SLC39A11: variants seen among roughly 807,000 people sequenced by gnomAD.
SLC39A11 encodes the protein solute carrier family 39 member 11, also known as zinc transporter ZIP11.
In SLC39A11, 33 loss-of-function variants were observed where a neutral mutation model predicts 36.1. That is an observed-to-expected ratio of 0.91 (90% confidence interval 0.69 to 1.22). The LOEUF (loss-of-function observed/expected upper bound fraction) is 1.22, where lower values mean the gene tolerates loss of function less well. Among genes scored for constraint, SLC39A11 ranks in the 50% most tolerant of loss-of-function variants. The probability of loss-of-function intolerance (pLI) is 0.00; values close to 1 mark genes in which losing one functional copy is unlikely to be tolerated. For synonymous variants in SLC39A11, 166 were observed against 170.3 expected (o/e 0.97, Z 0.20); for missense variants, 432 against 430.3 (o/e 1.00, Z -0.03).
chr17:72,928,686 T>A (rs1304952999), intron 5 of SLC39A11, among the ~76,000 whole-genome samples: 1 of 152,132 alleles, frequency 6.6e-6, no homozygotes, highest in Non-Finnish European at 1.5e-5. Flanking sequence ...GTCAATAGAC[T>A]CTCACAGCCT....
chr17:72,775,746 G>C (rs1384974384), intron 6 of SLC39A11, among the ~76,000 whole-genome samples: 1 of 152,138 alleles, frequency 6.6e-6, no homozygotes, highest in Non-Finnish European at 1.5e-5. Flanking sequence ...TGCTCTACCT[G>C]GAAGGACCAA....
At chr17:72,726,813 C>T (rs1490705081) in intron 7 of SLC39A11, among the ~76,000 whole-genome samples, 1 of 152,138 alleles carries the variant, frequency 6.6e-6, no homozygotes, top group African/African-American at 2.4e-5. Context: ...GAGAGGCAAA[C>T]ATATATCTTA....
At chr17:72,908,107 C>T (rs777932531) in intron 5 of SLC39A11, among the ~76,000 whole-genome samples, 2 of 152,216 alleles carry the variant, frequency 1.3e-5, no homozygotes, top group Non-Finnish European at 2.9e-5. Flanking sequence ...ACAAGTGAGA[C>T]ATCAGGCTAT....
intron 6 of SLC39A11, among the ~76,000 whole-genome samples, chr17:72,790,224 C>A (rs927914782): frequency 1.3e-5 from 2 of 152,092 alleles, no homozygotes; most frequent in African/African-American, 2.4e-5. Context: ...TGGTACACAC[C>A]CCCAGCCAGG....
intron 5 of SLC39A11, among the ~76,000 whole-genome samples, chr17:72,875,383 G>A (rs1477702041): frequency 1.3e-5 from 2 of 152,114 alleles, no homozygotes; most frequent in East Asian, 3.9e-4. Context: ...TAATGGCCAG[G>A]GTGACAGCCA....
intron 2 of SLC39A11, among the ~76,000 whole-genome samples, chr17:73,085,352 CA>C (rs34697484): frequency 0.48 from 72,394 of 150,528 alleles, 17,728 homozygotes; most frequent in East Asian, 0.67. Flanking sequence ...ACTAAAAATA[CA>C]AAAAAAAATA....
intron 6 of SLC39A11, among the ~76,000 whole-genome samples, chr17:72,738,649 G>A (rs1300320042): frequency 6.6e-6 from 1 of 152,178 alleles, no homozygotes; most frequent in Non-Finnish European, 1.5e-5. Context: ...TGAAGAGGGC[G>A]ATGATTCCCC....
chr17:73,014,583 G>A (rs2090706956), intron 4 of SLC39A11, among the ~76,000 whole-genome samples: 2 of 149,228 alleles, frequency 1.3e-5, no homozygotes, highest in Admixed American at 6.6e-5. Flanking sequence ...CGTGAGCCTG[G>A]AAGTTCAAGG....
intron 4 of SLC39A11, among the ~76,000 whole-genome samples, chr17:73,002,254 G>A (rs1019959271): frequency 6.6e-6 from 1 of 152,126 alleles, no homozygotes; most frequent in African/African-American, 2.4e-5. Flanking sequence ...AAGGGAACAT[G>A]GCAGCTCATT....
chr17:72,954,679 C>T (rs2086120310), intron 4 of SLC39A11, among the ~76,000 whole-genome samples: 1 of 152,200 alleles, frequency 6.6e-6, no homozygotes, highest in South Asian at 2.1e-4. Context: ...AATTATTCCA[C>T]ATAATGGAAA....
intron 6 of SLC39A11, among the ~76,000 whole-genome samples, chr17:72,747,557 A>T (rs1274014894): frequency 6.6e-6 from 1 of 152,158 alleles, no homozygotes; most frequent in South Asian, 2.1e-4. Flanking sequence ...GTCACGTAAC[A>T]CTGCAGCAGG....
At chr17:72,754,583 G>T (rs2075298988) in intron 6 of SLC39A11, among the ~76,000 whole-genome samples, 1 of 151,514 alleles carries the variant, frequency 6.6e-6, no homozygotes, top group Non-Finnish European at 1.5e-5. Flanking sequence ...TGGGTATTTA[G>T]ATTCCACCAT....
chr17:72,991,988 C>A (rs1266955315), intron 4 of SLC39A11, among the ~76,000 whole-genome samples: 2 of 152,180 alleles, frequency 1.3e-5, no homozygotes, highest in African/African-American at 4.8e-5. Context: ...TATCAAAAAT[C>A]TCTTTTGTCA....
chr17:72,962,847 T>C (rs569480655), intron 4 of SLC39A11, among the ~76,000 whole-genome samples: 3 of 152,006 alleles, frequency 2.0e-5, no homozygotes, highest in African/African-American at 7.2e-5. Flanking sequence ...AGCCCTTAGG[T>C]TCCTGACAAG....
intron 4 of SLC39A11, among the ~76,000 whole-genome samples, chr17:72,994,589 G>A (rs968109579): frequency 7.9e-5 from 12 of 152,072 alleles, no homozygotes; most frequent in African/African-American, 1.9e-4. Flanking sequence ...AGTTTTTTAC[G>A]TGTATCATAT....
intron 5 of SLC39A11, among the ~76,000 whole-genome samples, chr17:72,920,924 C>A (rs368037666): frequency 6.6e-6 from 1 of 152,108 alleles, no homozygotes; most frequent in Non-Finnish European, 1.5e-5. Context: ...GTTTCTTTCT[C>A]CTTAGCAGTC....
At chr17:73,087,941 G>T (rs1599240904) in intron 2 of SLC39A11, among the ~76,000 whole-genome samples, 1 of 152,132 alleles carries the variant, frequency 6.6e-6, no homozygotes, top group South Asian at 2.1e-4. Context: ...GTCCACAGGG[G>T]AGGACAGTTA....
At chr17:72,860,874 T>C (rs2079941566) in intron 5 of SLC39A11, among the ~76,000 whole-genome samples, 1 of 152,156 alleles carries the variant, frequency 6.6e-6, no homozygotes, top group South Asian at 2.1e-4. Flanking sequence ...GGGATGCTCA[T>C]TGATACCCTC....
intron 6 of SLC39A11, among the ~76,000 whole-genome samples, chr17:72,839,900 C>T (rs1332973378): frequency 3.9e-5 from 6 of 152,178 alleles, no homozygotes; most frequent in Admixed American, 3.3e-4. Flanking sequence ...CAACGTGGTG[C>T]TGCAGACATT....
Sources: gnomAD v4.1 joint callset for allele counts (sites outside exome capture counted in the v4.1 genomes callset) on GRCh38, gnomAD v4.1.1 for gene constraint, MANE v1.5 for transcripts, NCBI Gene and HGNC (gene_info 2026-07-23, HGNC 2026-07-21) for gene names.